Variants in ANKRD52 observed in about 807,000 individuals in gnomAD.
ANKRD52 encodes the protein serine/threonine-protein phosphatase 6 regulatory ankyrin repeat subunit C.
A neutral mutation model predicts 116.0 loss-of-function variants in ANKRD52; 7 were observed. That is an observed-to-expected ratio of 0.06 (90% CI 0.03 to 0.11). The LOEUF (loss-of-function observed/expected upper bound fraction) is 0.11, where lower values mean the gene tolerates loss of function less well. Among genes scored for constraint, ANKRD52 ranks in the 10% least tolerant of loss-of-function variants. ANKRD52 has a pLI of 1.00. For missense variants in ANKRD52, 839 were observed against 1,408.6 expected, an observed-to-expected ratio of 0.60 and a Z score of 6.47; for synonymous variants, 528 against 578.1, an observed-to-expected ratio of 0.91 and a Z score of 1.24.
Position 56,254,790 on chromosome 12 carries a change from A to C in ANKRD52, c.551-70T>G. ...TAAGACCCTACACTCCTCTCTTCAA[A>C]GGCTGCAACCCCACATCCCTGCCCT... On this transcript the variant is annotated intron_variant, in intron 6 of 27. Transcript: ENST00000267116. The surrounding 1 kb of genome is among the most constrained non-coding windows in gnomAD (Gnocchi z 4.6). The C allele has an allele frequency of 1.3e-6, 2 of 1,599,966 alleles. No homozygotes were observed. The highest frequency in any genetic ancestry group is 1.7e-6 in the Non-Finnish European group (2 of 1,168,052).
At chr12:56,251,788 C>T (rs561113547) in intron 15 of ANKRD52, among the ~76,000 whole-genome samples, 35 of 149,226 alleles carry the variant, frequency 2.3e-4, no homozygotes, top group Admixed American at 1.1e-3. Context: ...GGAACTATGT[C>T]TCATACTTTT....
Position 56,244,773 on chromosome 12 carries a change from G to A in ANKRD52, c.2601C>T (p.Phe867=), listed in dbSNP as rs145395303. The A allele has an allele frequency of 4.0e-4, 645 of 1,613,816 alleles. 4 individuals are homozygous for A. The African/African-American group carries it at 6.7e-3, about 17-fold the overall frequency. ...TCCGGAGCCCAGAGACATTGTCCGC[G>A]AAGGCAGCGGCGTGAAGGGGGGTCC... The part of the protein sequence containing the change: ...KGRTPLHAAA[F]ADNVSGLRML... Residue 867 remains phenylalanine, a synonymous_variant, in exon 24 of 28, where the codon TTC becomes TTT. Coordinates refer to ENST00000267116, the MANE Select transcript of ANKRD52 (RefSeq NM_173595.4). The surrounding 1 kb of genome is among the most constrained non-coding windows in gnomAD (Gnocchi z 4.9).
rs1275684716 is a variant in ANKRD52, at chr12:56,247,735, T to C, written c.2018A>G (p.Asp673Gly). 1.9e-6 allele frequency: 3 copies of C among 1,612,586 alleles called. No homozygotes were observed. Among genetic ancestry groups the C allele is most frequent in the African/African-American group, 2.7e-5 (2 of 74,872 alleles). The change falls in exon 19 of 28, where the codon GAC becomes GGC. Residue 673 changes from aspartate (D) to glycine (G), a missense_variant. Asp to Gly is a moderately conservative substitution (Grantham distance 94, BLOSUM62 -1). Around this residue, in one of 2 missense-constraint regions of ANKRD52, gnomAD observed 552 missense variants for 810.6 expected, o/e 0.68. Transcript: ENST00000267116. ...GHTDSLHLLI[D>G]SGERADITDV... ...TGTGATGTCAGCTCGTTCCCCACTG[T>C]CGATCAGCAAGTGCAGGGAGTCAGT... is the stretch of plus-strand genomic sequence containing the variant.
In ANKRD52 at chr12:56,252,090, T is replaced by C; in HGVS notation, c.1517A>G (p.Glu506Gly). The C allele has an allele frequency of 6.2e-7, 1 of 1,613,924 alleles. No homozygotes were observed. Among genetic ancestry groups the C allele is most frequent in the Non-Finnish European group, 8.5e-7 (1 of 1,179,846 alleles). Residue 506 changes from glutamate to glycine, a missense_variant, in exon 15 of 28, where the codon GAA becomes GGA. Coordinates refer to ENST00000267116, the MANE Select transcript of ANKRD52 (RefSeq NM_173595.4). This position sits in a 1 kb window ranked among gnomAD's most constrained non-coding sequence, Gnocchi z 4.7. ...AAASDTYRRAEPHTPSSHDAE... is the reference protein window; with the variant it reads ...AAASDTYRRAGPHTPSSHDAE... Reference sequence around the variant, plus strand: ...ATCATGGCTGGAAGGTGTATGGGGTTCCGCTCTGGGGAAGAGAGAGAGAAA... The same window carrying C: ...ATCATGGCTGGAAGGTGTATGGGGTCCCGCTCTGGGGAAGAGAGAGAGAAA...
rs1358481317 is a variant in ANKRD52 at position 56,244,565 on chromosome 12, G to A, written c.2722+87C>T. ...CAACCCTCTTGCTTTCTGAACCCCA[G>A]CCCCAGCCAGCCTCCACAGGCAGGG... On this transcript the variant is annotated intron_variant, in intron 24 of 27. Transcript: ENST00000267116. This position sits in a 1 kb window ranked among gnomAD's most constrained non-coding sequence, Gnocchi z 4.9. 1 of 1,601,268 alleles carries A rather than the reference G, an allele frequency of 6.2e-7. No homozygotes were observed. The highest frequency in any genetic ancestry group is 8.5e-7 in the Non-Finnish European group (1 of 1,173,180).
chr12:56,244,151 A>G lies in ANKRD52; in HGVS notation c.2806-18T>C, dbSNP rs891874951. On this transcript the variant is annotated intron_variant, in intron 25 of 27. Coordinates refer to ENST00000267116, the MANE Select transcript of ANKRD52 (RefSeq NM_173595.4). The surrounding 1 kb of genome is among the most constrained non-coding windows in gnomAD (Gnocchi z 4.9). Reference sequence around the variant, plus strand: ...TCATGGCCCTGAGGGAGGGGAACAGAGAGTGGAGACTTGTGAAGTAGAAAT... The same window carrying G: ...TCATGGCCCTGAGGGAGGGGAACAGGGAGTGGAGACTTGTGAAGTAGAAAT... The G allele has an allele frequency of 6.2e-7, 1 of 1,613,086 alleles. No homozygotes were observed. Among genetic ancestry groups the G allele is most frequent in the African/African-American group, 1.3e-5 (1 of 75,012 alleles).
At chr12:56,245,706 G>GTT in intron 20 of ANKRD52, 110 bp from the exon 21 acceptor site, 12 of 532,390 alleles carry the variant, frequency 2.3e-5, no homozygotes, top group South Asian at 9.0e-5. Context: ...TCCAATCCTT[G>GTT]TCTTTTTTTT....
intron 4 of ANKRD52, among the ~76,000 whole-genome samples, chr12:56,256,204 C>T (rs1227909170): frequency 6.6e-6 from 1 of 152,116 alleles, no homozygotes; most frequent in Non-Finnish European, 1.5e-5. Context: ...AACAAGGACC[C>T]TTTGCTCTTC....
rs1871145327 is a variant in ANKRD52 at position 56,241,045 on chromosome 12, G to A, written c.*2097C>T. 1 of 152,260 alleles carries A rather than the reference G, an allele frequency of 6.6e-6. No individual in the cohort carries two copies. Among genetic ancestry groups the A allele is most frequent in the Admixed American group, 6.5e-5 (1 of 15,288 alleles). The allele number at this position is 152,260 out of a possible 1,614,324, so 9.4% of individuals were successfully genotyped here. ...TTTCAGGAGAGAGAATTGAAGGGAA[G>A]GCAAGCTTTGCAGAGCCAGCAGGGT... On this transcript the variant is annotated 3_prime_UTR_variant, in exon 28 of 28. Coordinates refer to ENST00000267116, the MANE Select transcript of ANKRD52 (RefSeq NM_173595.4).
rs947981452 is a variant in ANKRD52, at chr12:56,242,496, T to C, written c.*646A>G. The C allele has an allele frequency of 1.8e-5, 5 of 279,756 alleles. No homozygotes were observed. The highest frequency in any genetic ancestry group is 1.1e-4 in the Admixed American group (2 of 18,924). 17.3% of individuals were successfully genotyped at this position (279,756 alleles called of 1,614,324 possible). On this transcript the variant is annotated 3_prime_UTR_variant, in exon 28 of 28. Transcript: ENST00000267116. The surrounding 1 kb of genome is among the most constrained non-coding windows in gnomAD (Gnocchi z 4.3). ...TGAGGAGCCAGGGGAGAGTGCAGGA[T>C]TGGGGCCCAGGTACAGTAGTTGCTG...
rs755060072 is a variant in ANKRD52 at position 56,256,999 on chromosome 12, A to C, written c.261+16T>G. ...TTATCCTTTTTGAAAGGGTAATAGA[A>C]GGTGGGGGTGCATACCTCGTTTCGG... On this transcript the variant is annotated intron_variant, in intron 4 of 27. Coordinates refer to ENST00000267116, the MANE Select transcript of ANKRD52 (RefSeq NM_173595.4). The C allele has an allele frequency of 6.2e-7, 1 of 1,610,512 alleles. No homozygotes were observed. Among genetic ancestry groups the C allele is most frequent in the South Asian group, 1.1e-5 (1 of 90,618 alleles).
chr12:56,250,058 G>A (rs1359737783), intron 15 of ANKRD52, among the ~76,000 whole-genome samples: 3 of 151,938 alleles, frequency 2.0e-5, no homozygotes, highest in Non-Finnish European at 4.4e-5. Context: ...TTAGCTGGGC[G>A]TGGTGATAGG....
chr12:56,245,882 T>C (rs1871377610), intron 20 of ANKRD52, among the ~76,000 whole-genome samples: 1 of 147,254 alleles, frequency 6.8e-6, no homozygotes, highest in African/African-American at 2.5e-5. Flanking sequence ...GCCCGGCCAA[T>C]TTTTTTGTAT....
At chr12:56,257,385 G>C (rs1481168387) in intron 2 of ANKRD52, 24 bp from the exon 3 acceptor site, 3 of 1,561,014 alleles carry the variant, frequency 1.9e-6, no homozygotes, top group East Asian at 2.4e-5. Flanking sequence ...AAAGAGCAGG[G>C]AGTATGGGCG....
Position 56,245,200 on chromosome 12 carries a change from A to G in ANKRD52, c.2405-10T>C, listed in dbSNP as rs752425038. The G allele has an allele frequency of 1.7e-5, 27 of 1,613,862 alleles. No individual in the cohort carries two copies. The African/African-American group carries it at 3.2e-4, about 19-fold the overall frequency. ...AGACAATCTTCATGTCCTGGGCACG[A>G]GGAAGGAAGAGTAGTGATGGAGAAA... On this transcript the variant is annotated splice_polypyrimidine_tract_variant and intron_variant, in intron 21 of 27. Coordinates refer to ENST00000267116, the MANE Select transcript of ANKRD52 (RefSeq NM_173595.4).
At position 56,253,306 on chromosome 12, in the gene ANKRD52, T is replaced by C; in HGVS notation, c.1082A>G (p.Asn361Ser). 1 of 1,613,744 alleles carries C rather than the reference T, an allele frequency of 6.2e-7. No homozygotes were observed. The highest frequency in any genetic ancestry group is 8.5e-7 in the Non-Finnish European group (1 of 1,179,764). The change falls in exon 10 of 28, where the codon AAT (asparagine) becomes AGT (serine). Residue 361 changes from asparagine to serine, a missense_variant. By Grantham distance (46) the Asn-to-Ser change is conservative. Transcript: ENST00000267116. The surrounding 1 kb of genome is among the most constrained non-coding windows in gnomAD (Gnocchi z 5.5). ...HELLISTLMT[N>S]GADTARRGIH... ...GACTCACCGGGCGGTATCTGCGCCATTGGTCATGAGGGTGCTGATGAGCAG... is the reference window on the plus strand; with the variant it reads ...GACTCACCGGGCGGTATCTGCGCCACTGGTCATGAGGGTGCTGATGAGCAG...
rs1281328452 is a variant in ANKRD52, at chr12:56,247,702, A to G, written c.2051T>C (p.Met684Thr). Reference protein sequence around the residue: ...SGERADITDVMDAYGQTPLML... With the variant: ...SGERADITDVTDAYGQTPLML... ...CCACACTCACTGTCCATAGGCATCC[A>G]TGACATCTGTGATGTCAGCTCGTTC... is the stretch of plus-strand genomic sequence containing the variant. The change falls in exon 19 of 28, where the codon ATG becomes ACG. Residue 684 changes from methionine to threonine, a missense_variant. Physicochemically the swap from Met to Thr is moderately conservative, Grantham distance 81. Transcript: ENST00000267116. 4 of 1,611,998 alleles carry G rather than the reference A, an allele frequency of 2.5e-6. No homozygotes were observed. The highest frequency in any genetic ancestry group is 3.4e-6 in the Non-Finnish European group (4 of 1,179,058).
In ANKRD52 at chr12:56,237,924, G is replaced by C. The variant is rs1411955178; in HGVS notation, c.*5218C>G. On this transcript the variant is annotated 3_prime_UTR_variant, in exon 28 of 28. Transcript: ENST00000267116. ...GTGGTGGGAGGACCCGAAGCCGGTT[G>C]GGGGAGGATGTGAGTAGGGGCCTGG... 1 of 651,400 alleles carries C rather than the reference G, an allele frequency of 1.5e-6. No individual in the cohort carries two copies. Among genetic ancestry groups the C allele is most frequent in the East Asian group, 3.2e-5 (1 of 31,708 alleles). The allele number at this position is 651,400 out of a possible 1,614,324, so 40.4% of individuals were successfully genotyped here.
rs1399409697 is a variant in ANKRD52 at position 56,258,339 on chromosome 12, G to A, written c.-70C>T. 2 of 1,404,062 alleles carry A rather than the reference G, an allele frequency of 1.4e-6. No homozygotes were observed. Among genetic ancestry groups the A allele is most frequent in the African/African-American group, 3.0e-5 (2 of 65,802 alleles). The allele number at this position is 1,404,062 out of a possible 1,614,324, so 87.0% of individuals were successfully genotyped here. On this transcript the variant is annotated 5_prime_UTR_variant, in exon 1 of 28. Transcript: ENST00000267116. ...GCGGCGGCTCCACCGGGGACACGGA[G>A]CGGCCCAGGCGGCGGCTGCGGTGGC...
Sources: gnomAD v4.1 joint callset for allele counts (sites outside exome capture counted in the v4.1 genomes callset) on GRCh38, gnomAD v4.1.1 for gene constraint, gnomAD v4.1.1 regional missense constraint, Gnocchi (gnomAD v3.1) non-coding constraint, MANE v1.5 for transcripts, NCBI Gene and HGNC (gene_info 2026-07-23, HGNC 2026-07-21) for gene names.